The following TRAPPC12 variants were observed in gnomAD, a reference collection of about 807,000 sequenced individuals.
TRAPPC12 encodes the protein trafficking protein particle complex subunit 12, also known as TPR repeat protein 15.
TRAPPC12 carries 61 observed loss-of-function variants against 69.2 expected under a neutral mutation model. The ratio of observed to expected loss-of-function variants is 0.88; its 90% CI spans 0.72 to 1.09. TRAPPC12 has a LOEUF of 1.09. TRAPPC12 is among the 50% of genes least tolerant of loss of function. The pLI is 0.00. For synonymous variants in TRAPPC12, 469 were observed against 438.9 expected, an observed-to-expected ratio of 1.07 and a Z score of -0.86; for missense variants, 1,101 against 1,016.4, an observed-to-expected ratio of 1.08 and a Z score of -1.13.
In TRAPPC12 at chr2:3,421,923, C is replaced by A; in HGVS notation, c.1207C>A (p.Leu403Ile). ...GGCAGCAGTGGACCTGTGCGGACGT[C>A]TCCTCACAGCCCACGGCCAGGGCTA... ...WRAAVDLCGR[L>I]LTAHGQGYGK... Residue 403 changes from leucine (L) to isoleucine (I), a missense_variant, in exon 4 of 12, where the codon CTC (leucine) becomes ATC (isoleucine). By Grantham distance (5) the Leu-to-Ile change is conservative. Transcript: ENST00000324266. The A allele has an allele frequency of 6.2e-7, 1 of 1,613,938 alleles. No individual in the cohort carries two copies. Among genetic ancestry groups the A allele is most frequent in the African/African-American group, 1.3e-5 (1 of 75,076 alleles).
chr2:3,382,945 A>AT (rs1660292703), intron 1 of TRAPPC12, among the ~76,000 whole-genome samples: 1 of 152,226 alleles, frequency 6.6e-6, no homozygotes, highest in African/African-American at 2.4e-5. Context: ...AATACTAATA[A>AT]AATAATAGAA....
At chr2:3,459,768 G>A (rs909275621) in intron 7 of TRAPPC12, among the ~76,000 whole-genome samples, 5 of 152,238 alleles carry the variant, frequency 3.3e-5, no homozygotes, top group Non-Finnish European at 7.3e-5. Context: ...GGGAACCGGC[G>A]TCTGCACCAG....
intron 4 of TRAPPC12, among the ~76,000 whole-genome samples, chr2:3,422,813 A>G (rs1334300093): frequency 2.0e-5 from 3 of 152,098 alleles, no homozygotes; most frequent in Admixed American, 1.3e-4. Flanking sequence ...CCAACCCACC[A>G]CCACCCACAG....
At chr2:3,459,552 C>T (rs554634773) in intron 7 of TRAPPC12, among the ~76,000 whole-genome samples, 1 of 152,284 alleles carries the variant, frequency 6.6e-6, no homozygotes, top group South Asian at 2.1e-4. Context: ...GAGATGGGCC[C>T]TGAAGGTTTG....
intron 4 of TRAPPC12, among the ~76,000 whole-genome samples, chr2:3,423,941 G>A (rs1163713782): frequency 3.9e-5 from 6 of 152,094 alleles, no homozygotes; most frequent in Non-Finnish European, 5.9e-5. Context: ...TTGTCCTTAC[G>A]TTCCCTGAAC....
At position 3,401,788 on chromosome 2, in the gene TRAPPC12, T is replaced by G; in HGVS notation, c.1059T>G (p.Val353=). The G allele has an allele frequency of 1.3e-6, 2 of 1,586,240 alleles. No individual in the cohort carries two copies. The highest frequency in any genetic ancestry group is 1.7e-6 in the Non-Finnish European group (2 of 1,169,872). Reference sequence around the variant, plus strand: ...TCTATTCTTCCCAGGGAGATGCAGTTAAAGACTTGATGCTTCGCTTTCTGG... The same window carrying G: ...TCTATTCTTCCCAGGGAGATGCAGTGAAAGACTTGATGCTTCGCTTTCTGG... The part of the protein sequence containing the change: ...LRFDNIQGDA[V]KDLMLRFLGE... Residue 353 remains valine, a synonymous_variant, in exon 3 of 12, where the codon GTT becomes GTG. Coordinates refer to ENST00000324266, the MANE Select transcript of TRAPPC12 (RefSeq NM_016030.6).
chr2:3,436,654 A>G (rs866291872), intron 5 of TRAPPC12, among the ~76,000 whole-genome samples: 22 of 151,952 alleles, frequency 1.4e-4, no homozygotes, highest in African/African-American at 5.1e-4. Context: ...GTTTCAACAA[A>G]TTAATGGCGT....
intron 11 of TRAPPC12, 63 bp downstream of exon 11, chr2:3,478,996 C>A: frequency 1.3e-6 from 2 of 1,542,358 alleles, no homozygotes; most frequent in Non-Finnish European, 1.8e-6. Flanking sequence ...GAAACATACA[C>A]CCACACACGT....
intron 6 of TRAPPC12, among the ~76,000 whole-genome samples, chr2:3,452,595 C>T (rs1046468127): frequency 3.3e-5 from 5 of 152,310 alleles, no homozygotes; most frequent in South Asian, 2.1e-4. Flanking sequence ...TGCCAGGATG[C>T]GGCTTGTACT....
intron 5 of TRAPPC12, among the ~76,000 whole-genome samples, chr2:3,436,545 G>A (rs942975241): frequency 2.0e-5 from 3 of 152,020 alleles, no homozygotes; most frequent in Non-Finnish European, 2.9e-5. Context: ...TTGCATTAGC[G>A]TAGAACTTTT....
At chr2:3,404,352 T>C (rs1381126959) in intron 3 of TRAPPC12, among the ~76,000 whole-genome samples, 1 of 152,182 alleles carries the variant, frequency 6.6e-6, no homozygotes, top group Non-Finnish European at 1.5e-5. Context: ...AAGGAAAAAA[T>C]ATAGAATCCT....
At chr2:3,465,792 A>G (rs1665781615) in intron 9 of TRAPPC12, 97 bp downstream of exon 9, 4 of 845,130 alleles carry the variant, frequency 4.7e-6, no homozygotes, top group Non-Finnish European at 8.1e-6. Context: ...AATATAAGAA[A>G]GACTGCAGAA....
chr2:3,438,568 A>G (rs1282821654), intron 5 of TRAPPC12, among the ~76,000 whole-genome samples: 1 of 32,358 alleles, frequency 3.1e-5, no homozygotes, highest in Non-Finnish European at 5.7e-5. Flanking sequence ...ATCCCCCCTC[A>G]CCCCTGGATT....
chr2:3,463,705 G>T (rs1665641034), intron 8 of TRAPPC12, among the ~76,000 whole-genome samples: 1 of 151,902 alleles, frequency 6.6e-6, no homozygotes, highest in Non-Finnish European at 1.5e-5. Context: ...GCTCTCTGTG[G>T]TGGCCGCCTC....
rs774045166 is a variant in TRAPPC12, at chr2:3,479,344, G to T, written c.2091G>T (p.Leu697=). 1 of 1,614,170 alleles carries T rather than the reference G, an allele frequency of 6.2e-7. No homozygotes were observed. Among genetic ancestry groups the T allele is most frequent in the Non-Finnish European group, 8.5e-7 (1 of 1,180,040 alleles). ...HYLHESVLFN[L]TTMYELESSR... ...TGCACGAGAGCGTGCTCTTCAACCTGACCACCATGTACGAGCTGGAGTCCT... is the reference window on the plus strand; with the variant it reads ...TGCACGAGAGCGTGCTCTTCAACCTTACCACCATGTACGAGCTGGAGTCCT... The change falls in exon 12 of 12, where the codon CTG becomes CTT. Residue 697 remains leucine, a synonymous_variant. Transcript: ENST00000324266.
chr2:3,478,872 A>T lies in TRAPPC12; in HGVS notation c.1904A>T (p.Asn635Ile). The change falls in exon 11 of 12, where the codon AAC becomes ATC. Residue 635 changes from asparagine (N) to isoleucine (I), a missense_variant. Coordinates refer to ENST00000324266, the MANE Select transcript of TRAPPC12 (RefSeq NM_016030.6). ...NSAFLHLGQN[N>I]FAEAHRFFTE... ...GCGTTCCTTCACCTCGGGCAGAATA[A>T]CTTTGCAGAAGCCCACAGGTTCTTC... The T allele has an allele frequency of 6.2e-7, 1 of 1,614,142 alleles. No individual in the cohort carries two copies. Among genetic ancestry groups the T allele is most frequent in the South Asian group, 1.1e-5 (1 of 91,084 alleles).
chr2:3,435,583 T>C (rs1027118079), intron 5 of TRAPPC12, among the ~76,000 whole-genome samples: 2 of 152,022 alleles, frequency 1.3e-5, no homozygotes, highest in Non-Finnish European at 2.9e-5. Context: ...AGCCCGGAAG[T>C]TGGGTTTGTT....
intron 8 of TRAPPC12, chr2:3,460,771 C>CA (rs1381546363): frequency 6.2e-6 from 1 of 160,718 alleles, no homozygotes; most frequent in Non-Finnish European, 1.4e-5. Context: ...GACGTCACCC[C>CA]AGAGCTCTCA....
intron 9 of TRAPPC12, among the ~76,000 whole-genome samples, chr2:3,476,850 G>A (rs1425969844): frequency 6.6e-6 from 1 of 152,242 alleles, no homozygotes; most frequent in East Asian, 1.9e-4. Flanking sequence ...TTCTGCTGCT[G>A]CCATGATAAC....
Sources: allele counts gnomAD v4.1 joint callset (sites outside exome capture counted in the v4.1 genomes callset), GRCh38; gene constraint gnomAD v4.1.1; transcripts MANE v1.5; gene names NCBI Gene and HGNC (gene_info 2026-07-23, HGNC 2026-07-21).